PIK3C3: variants seen among roughly 807,000 people sequenced by gnomAD.
PIK3C3 encodes the protein phosphatidylinositol 3-kinase catalytic subunit type 3.
A neutral mutation model predicts 126.1 loss-of-function variants in PIK3C3; 95 were observed. That is an observed-to-expected ratio of 0.75 (90% confidence interval 0.64 to 0.89). The LOEUF (loss-of-function observed/expected upper bound fraction) is 0.89, where lower values mean the gene tolerates loss of function less well. PIK3C3 is among the 40% of genes least tolerant of loss of function. The pLI is 0.00. For missense variants in PIK3C3, 829 were observed against 1,063.2 expected (o/e 0.78, Z 3.06); for synonymous variants, 374 against 360.0 (o/e 1.04, Z -0.44).
chr18:42,053,992 G>A (rs1165831286), intron 21 of PIK3C3, among the ~76,000 whole-genome samples: 1 of 150,880 alleles, frequency 6.6e-6, no homozygotes, highest in Non-Finnish European at 1.5e-5. Flanking sequence ...CCACTTTAGA[G>A]TAATACACTT....
At chr18:41,977,640 G>A (rs766625522) in intron 4 of PIK3C3, among the ~76,000 whole-genome samples, 3 of 151,822 alleles carry the variant, frequency 2.0e-5, no homozygotes, top group African/African-American at 4.8e-5. Flanking sequence ...GGTGCGTGCC[G>A]CCATGCCCGG....
chr18:42,069,475 G>A (rs1188498035), intron 24 of PIK3C3, among the ~76,000 whole-genome samples: 2 of 152,166 alleles, frequency 1.3e-5, no homozygotes, highest in Non-Finnish European at 2.9e-5. Flanking sequence ...GATCTTTTCA[G>A]TGTCTTGCTC....
rs1396554546 is a variant in PIK3C3 at position 42,085,812 on chromosome 18, TGGC to T, written c.*4676_*4678del. 2.0e-5 allele frequency: 3 copies of T among 152,158 alleles called. No homozygotes were observed. The East Asian group carries it at 5.8e-4, about 29-fold the overall frequency. 9.4% of individuals were successfully genotyped at this position (152,158 alleles called of 1,614,324 possible). A position where few individuals can be genotyped will look rare whatever the true frequency, so the allele number is the denominator to read the frequency against. ...TGAACCATAGAATTTAACTAGAATT[TGGC>T]TGGCTCATGCCTGTAATGCCAGCAC... On this transcript the variant is annotated 3_prime_UTR_variant, in exon 25 of 25. Transcript: ENST00000262039.
chr18:41,971,986 G>A (rs1291239803), intron 4 of PIK3C3, among the ~76,000 whole-genome samples: 2 of 151,822 alleles, frequency 1.3e-5, no homozygotes, highest in Non-Finnish European at 2.9e-5. Context: ...AATTCTTTTT[G>A]ATGGAAGGTT....
intron 4 of PIK3C3, among the ~76,000 whole-genome samples, chr18:41,983,844 GA>G (rs1213840071): frequency 6.6e-6 from 1 of 152,048 alleles, no homozygotes; most frequent in Non-Finnish European, 1.5e-5. Flanking sequence ...AGTACTCCAA[GA>G]AGTTTCCCAG....
intron 21 of PIK3C3, chr18:42,052,898 A>AT (rs1030167037): frequency 1.6e-4 from 24 of 152,284 alleles, no homozygotes; most frequent in Admixed American, 1.4e-3. Flanking sequence ...CTGATGGAGC[A>AT]TTTTTTAATA....
chr18:42,077,852 A>G (rs969736124), intron 24 of PIK3C3, among the ~76,000 whole-genome samples: 5 of 152,214 alleles, frequency 3.3e-5, no homozygotes, highest in Admixed American at 2.0e-4. Context: ...AGGAATTACT[A>G]TCTGTGGCAG....
rs181553246 is a variant in PIK3C3 at position 42,047,130 on chromosome 18, A to G, written c.2189-2401A>G. ...TGCAACACAGGTGAATCAGTATTCTATAGAGATAGCTAAACTTGAAACAAA... is the reference window on the plus strand; with the variant it reads ...TGCAACACAGGTGAATCAGTATTCTGTAGAGATAGCTAAACTTGAAACAAA... On this transcript the variant is annotated intron_variant, in intron 20 of 24. Coordinates refer to ENST00000262039, the MANE Select transcript of PIK3C3 (RefSeq NM_002647.4). 5.9e-4 allele frequency among the ~76,000 whole-genome samples: 90 copies of G among 152,320 alleles called. 1 individual carries two copies. Among genetic ancestry groups the G allele is most frequent in the Admixed American group, 2.5e-3 (38 of 15,296 alleles).
chr18:42,048,841 G>A (rs1330828653), intron 20 of PIK3C3, among the ~76,000 whole-genome samples: 2 of 152,018 alleles, frequency 1.3e-5, no homozygotes, highest in Non-Finnish European at 2.9e-5. Context: ...TGTGTTTGTT[G>A]TCAGGTTATT....
intron 13 of PIK3C3, among the ~76,000 whole-genome samples, chr18:42,023,739 G>A (rs62082284): frequency 0.08 from 12,119 of 152,168 alleles, 578 homozygotes; most frequent in Non-Finnish European, 0.11. Context: ...CTTCCTTTGA[G>A]CATATAAAAA....
intron 7 of PIK3C3, among the ~76,000 whole-genome samples, chr18:41,993,625 G>T (rs377400455): frequency 2.0e-5 from 3 of 151,970 alleles, no homozygotes; most frequent in African/African-American, 7.2e-5. Context: ...CTTCAGGTTG[G>T]GGGTATATAA....
intron 24 of PIK3C3, among the ~76,000 whole-genome samples, chr18:42,076,043 A>G (rs1192592428): frequency 6.9e-6 from 1 of 144,816 alleles, no homozygotes; most frequent in African/African-American, 2.5e-5. Flanking sequence ...TAGATGGTAG[A>G]TAACCCGTGT....
intron 18 of PIK3C3, among the ~76,000 whole-genome samples, chr18:42,039,448 A>G (rs1033912171): frequency 1.3e-5 from 2 of 152,204 alleles, no homozygotes; most frequent in Non-Finnish European, 2.9e-5. Context: ...TCTTTGGACA[A>G]AGACCCAAAA....
chr18:41,962,446 T>C, intron 2 of PIK3C3, 43 bp from the exon 3 acceptor site: 1 of 1,463,224 alleles, frequency 6.8e-7, no homozygotes, highest in Non-Finnish European at 9.2e-7. Context: ...AAGAAAGATA[T>C]ATATATATGT....
chr18:41,964,540 A>AATT (rs1980259250), intron 3 of PIK3C3, among the ~76,000 whole-genome samples: 1 of 152,080 alleles, frequency 6.6e-6, no homozygotes. Context: ...TTATGTATTG[A>AATT]ATAAATATTA....
chr18:41,957,642 A>C lies in PIK3C3; in HGVS notation c.141A>C (p.Ser47=). ...TGGAAGACCCAATGTTGAAGTTCTC[A>C]GGACTATATCAAGAGACATGCTCTG... ...AVLEDPMLKF[S]GLYQETCSDL... Residue 47 remains serine (S), a synonymous_variant, in exon 2 of 25, where the codon TCA becomes TCC. Coordinates refer to ENST00000262039, the MANE Select transcript of PIK3C3 (RefSeq NM_002647.4). 1.9e-6 allele frequency: 3 copies of C among 1,613,812 alleles called. No individual in the cohort carries two copies. Among genetic ancestry groups the C allele is most frequent in the Non-Finnish European group, 2.5e-6 (3 of 1,179,864 alleles).
At chr18:42,051,701 G>A (rs550107333) in intron 21 of PIK3C3, among the ~76,000 whole-genome samples, 2 of 152,110 alleles carry the variant, frequency 1.3e-5, no homozygotes, top group African/African-American at 4.8e-5. Flanking sequence ...AAACATTATG[G>A]TGTATTTGGA....
chr18:42,034,356 ATAT>A (rs1335255019), intron 16 of PIK3C3, among the ~76,000 whole-genome samples: 1 of 152,108 alleles, frequency 6.6e-6, no homozygotes, highest in Non-Finnish European at 1.5e-5. Flanking sequence ...ACCCAACATA[ATAT>A]TTAGTTTTTC....
intron 21 of PIK3C3, 52 bp from the exon 22 acceptor site, chr18:42,057,831 C>T: frequency 6.6e-7 from 1 of 1,511,736 alleles, no homozygotes; most frequent in South Asian, 1.1e-5. Flanking sequence ...TATCACCTAC[C>T]CAGTTCTTTA....
Sources: allele counts gnomAD v4.1 joint callset (sites outside exome capture counted in the v4.1 genomes callset), GRCh38; gene constraint gnomAD v4.1.1; transcripts MANE v1.5; gene names NCBI Gene and HGNC (gene_info 2026-07-23, HGNC 2026-07-21).